Variants in ZBTB7C observed in about 807,000 individuals in gnomAD.
ZBTB7C encodes the protein zinc finger and BTB domain-containing protein 7C.
In ZBTB7C, 8 loss-of-function variants were observed where a neutral mutation model predicts 25.7. That is an observed-to-expected ratio of 0.31 (90% CI 0.18 to 0.56). ZBTB7C has a LOEUF of 0.56. Among genes scored for constraint, ZBTB7C ranks in the 20% least tolerant of loss-of-function variants. ZBTB7C has a pLI of 0.91. For missense variants in ZBTB7C, 824 were observed against 855.2 expected (o/e 0.96, Z 0.46); for synonymous variants, 394 against 369.0 (o/e 1.07, Z -0.78).
upstream of ZBTB7C, among the ~76,000 whole-genome samples, chr18:48,411,676 G>A (rs1187613102): frequency 2.0e-5 from 3 of 152,208 alleles, no homozygotes; most frequent in African/African-American, 7.2e-5. Context: ...ATGTAGTTCT[G>A]GGGGTGAGGG....
intron 3 of ZBTB7C, among the ~76,000 whole-genome samples, chr18:48,181,144 G>T (rs11082659): frequency 0.86 from 130,943 of 152,216 alleles, 56,780 homozygotes; most frequent in African/African-American, 0.96. Context: ...CTGAGATCCT[G>T]GAGTCACCCC....
intron 3 of ZBTB7C, among the ~76,000 whole-genome samples, chr18:48,084,308 T>C (rs1299490538): frequency 2.0e-5 from 3 of 152,330 alleles, no homozygotes; most frequent in South Asian, 2.1e-4. Context: ...CCAGATGATA[T>C]GCCATCCCCT....
intron 2 of ZBTB7C, among the ~76,000 whole-genome samples, chr18:48,204,630 AGACCATGCCTCTTGAG>A (rs1339678579): frequency 6.6e-6 from 1 of 152,142 alleles, no homozygotes; most frequent in East Asian, 1.9e-4. Context: ...CCTAAAGACA[AGACCATGCCTCTTGAG>A]GACCAAGCAA....
upstream of ZBTB7C, chr18:48,409,458 C>T (rs1303455283): frequency 6.8e-6 from 1 of 146,430 alleles, no homozygotes; most frequent in African/African-American, 2.5e-5. Flanking sequence ...CCCCGCGCCC[C>T]GCCTCCCGCG....
intron 2 of ZBTB7C, among the ~76,000 whole-genome samples, chr18:48,235,057 A>G (rs886585647): frequency 1.3e-5 from 2 of 152,018 alleles, no homozygotes; most frequent in African/African-American, 4.8e-5. Flanking sequence ...ATTCACTTTC[A>G]ATTTTTTTTT....
At chr18:48,411,349 T>G (rs370872789), upstream of ZBTB7C, among the ~76,000 whole-genome samples, 14 of 152,312 alleles carry the variant, frequency 9.2e-5, no homozygotes, top group African/African-American at 3.4e-4. Context: ...GAACCTAAGG[T>G]ATGTTCAGGC....
chr18:48,235,422 C>A (rs910628768), intron 2 of ZBTB7C, among the ~76,000 whole-genome samples: 6 of 152,256 alleles, frequency 3.9e-5, no homozygotes, highest in Middle Eastern at 3.4e-3. Flanking sequence ...GACTGTAGAG[C>A]ACTTTGTGCT....
In ZBTB7C at chr18:48,129,448, C is replaced by A. The variant is rs141546971; in HGVS notation, c.-17+56486G>T. On this transcript the variant is annotated intron_variant, in intron 3 of 4. Coordinates refer to ENST00000590800, the MANE Select transcript of ZBTB7C (RefSeq NM_001318841.2). ...AACTGAGGAGCCCTCCCTGATCAGTCGGAGGCAGATCAGACCTGTTTCCTT... is the reference window on the plus strand; with the variant it reads ...AACTGAGGAGCCCTCCCTGATCAGTAGGAGGCAGATCAGACCTGTTTCCTT... Among the ~76,000 whole-genome samples, 1,022 of 151,966 alleles carry A rather than the reference C, an allele frequency of 6.7e-3. 8 individuals are homozygous for A. The highest frequency in any genetic ancestry group is 0.01 in the Non-Finnish European group (698 of 67,984).
chr18:48,152,077 G>A (rs2040696917), intron 3 of ZBTB7C, among the ~76,000 whole-genome samples: 1 of 152,116 alleles, frequency 6.6e-6, no homozygotes, highest in South Asian at 2.1e-4. Flanking sequence ...TCTGAATATG[G>A]TGGGGAGGGC....
intron 3 of ZBTB7C, among the ~76,000 whole-genome samples, chr18:48,045,078 C>G (rs2036415580): frequency 6.6e-6 from 1 of 152,234 alleles, no homozygotes; most frequent in African/African-American, 2.4e-5. Flanking sequence ...TAATGAGTGG[C>G]CCAGACTGCA....
chr18:48,266,383 A>T (rs540319845), intron 2 of ZBTB7C, among the ~76,000 whole-genome samples: 1 of 152,260 alleles, frequency 6.6e-6, no homozygotes, highest in East Asian at 1.9e-4. Context: ...CTTCATCCAT[A>T]GAACAAGCAG....
Position 48,040,767 on chromosome 18 carries a change from A to G in ZBTB7C, c.341T>C (p.Leu114Pro). ...CACGTTCACGATGCACTGGATCTCC[A>G]GCATCCTGGCTGCGTTGAGGATGTG... ...VKHILNAARMLEIQCIVNVCL... is the reference protein window; with the variant it reads ...VKHILNAARMPEIQCIVNVCL... Residue 114 changes from leucine to proline, a missense_variant, in exon 4 of 5, where the codon CTG becomes CCG. Around this residue, in one of 4 missense-constraint regions of ZBTB7C, gnomAD observed 117 missense variants for 167.7 expected, o/e 0.70. Transcript: ENST00000590800. 6.2e-7 allele frequency: 1 copy of G among 1,613,104 alleles called. No individual in the cohort carries two copies. The highest frequency in any genetic ancestry group is 8.5e-7 in the Non-Finnish European group (1 of 1,179,756).
At chr18:48,123,869 A>ATT (rs112329001) in intron 3 of ZBTB7C, among the ~76,000 whole-genome samples, 1 of 151,648 alleles carries the variant, frequency 6.6e-6, no homozygotes, top group African/African-American at 2.4e-5. Context: ...GTATATTACG[A>ATT]TTTTTTTTTG....
chr18:48,264,080 G>A (rs550653724), intron 2 of ZBTB7C, among the ~76,000 whole-genome samples: 2 of 152,280 alleles, frequency 1.3e-5, no homozygotes, highest in South Asian at 4.1e-4. Flanking sequence ...CCTAAAAGAA[G>A]GAACAGAAAT....
At chr18:48,048,191 G>C (rs1009272365) in intron 3 of ZBTB7C, among the ~76,000 whole-genome samples, 1 of 149,354 alleles carries the variant, frequency 6.7e-6, no homozygotes, top group African/African-American at 2.4e-5. Flanking sequence ...GGGCAGAAAG[G>C]TACCGATCCC....
At chr18:48,087,647 T>G (rs2038241546) in intron 3 of ZBTB7C, 1 of 151,464 alleles carries the variant, frequency 6.6e-6, no homozygotes, top group African/African-American at 2.4e-5. Context: ...AAAAAAAAAT[T>G]AGCTGGGCAC....
Position 48,137,422 on chromosome 18 carries a change from A to G in ZBTB7C, c.-17+48512T>C, listed in dbSNP as rs12605943. ...TTTTGTTTTTTGTGGGTTTCCCCCCACTCTCCTTCTCTAGTACTTCACAAA... is the reference window on the plus strand; with the variant it reads ...TTTTGTTTTTTGTGGGTTTCCCCCCGCTCTCCTTCTCTAGTACTTCACAAA... On this transcript the variant is annotated intron_variant, in intron 3 of 4. Coordinates refer to ENST00000590800, the MANE Select transcript of ZBTB7C (RefSeq NM_001318841.2). 1.1e-5 allele frequency: 7 copies of G among 635,170 alleles called. No homozygotes were observed. The Admixed American group carries it at 2.6e-4, about 24-fold the overall frequency. 39.3% of individuals were successfully genotyped at this position (635,170 alleles called of 1,614,324 possible).
chr18:48,214,687 C>A (rs1011581803), intron 2 of ZBTB7C, among the ~76,000 whole-genome samples: 2 of 152,212 alleles, frequency 1.3e-5, no homozygotes, highest in African/African-American at 4.8e-5. Flanking sequence ...TCTGTTAGCT[C>A]GCTCTTGAAT....
At chr18:48,398,747 G>A (rs2048088952) in intron 1 of ZBTB7C, among the ~76,000 whole-genome samples, 1 of 151,462 alleles carries the variant, frequency 6.6e-6, no homozygotes, top group Non-Finnish European at 1.5e-5. Context: ...ACCTTTGCCT[G>A]GCCTAGCATC....
Sources: allele counts gnomAD v4.1 joint callset (sites outside exome capture counted in the v4.1 genomes callset), GRCh38; gene constraint gnomAD v4.1.1; regional missense constraint gnomAD v4.1.1; transcripts MANE v1.5; gene names NCBI Gene and HGNC (gene_info 2026-07-23, HGNC 2026-07-21).